ABI3BP: variants seen among roughly 807,000 people sequenced by gnomAD.
ABI3BP encodes ABI family member 3 binding protein, also known as target of Nesh-SH3.
In ABI3BP, 216 loss-of-function variants were observed where a neutral mutation model predicts 268.6. That is an observed-to-expected ratio of 0.80 (90% CI 0.72 to 0.90). The LOEUF (loss-of-function observed/expected upper bound fraction) is 0.90, where lower values mean the gene tolerates loss of function less well. Among genes scored for constraint, ABI3BP ranks in the 40% least tolerant of loss-of-function variants. The pLI, the probability that ABI3BP is intolerant of heterozygous loss-of-function variation, is 0.00. For synonymous variants in ABI3BP, 730 were observed against 730.0 expected (o/e 1.00, Z 0.00); for missense variants, 2,090 against 2,182.4 (o/e 0.96, Z 0.84).
chr3:100,839,546 C>T (rs2098660316), intron 24 of ABI3BP, 23 bp downstream of exon 24: 2 of 1,535,506 alleles, frequency 1.3e-6, no homozygotes, highest in Admixed American at 2.0e-5. Flanking sequence ...TGAAAGCAGC[C>T]GTGGTGGAGG....
chr3:100,860,808 G>C (rs985033589), intron 14 of ABI3BP, among the ~76,000 whole-genome samples: 1 of 152,130 alleles, frequency 6.6e-6, no homozygotes, highest in African/African-American at 2.4e-5. Context: ...AAAGATGAAA[G>C]GGATCTAAAA....
At chr3:100,757,695 G>C (rs2095697068) in intron 63 of ABI3BP, among the ~76,000 whole-genome samples, 1 of 152,130 alleles carries the variant, frequency 6.6e-6, no homozygotes, top group Non-Finnish European at 1.5e-5. Context: ...AGGATGTATA[G>C]GAATTCCAAA....
intron 27 of ABI3BP, 63 bp from the exon 28 acceptor site, chr3:100,835,723 G>GA (rs1327459454): frequency 4.7e-6 from 6 of 1,282,980 alleles, no homozygotes; most frequent in Non-Finnish European, 6.5e-6. Context: ...AAGTTATTTT[G>GA]AAAATGAATC....
chr3:100,926,262 T>TA, intron 2 of ABI3BP, 40 bp downstream of exon 2: 1 of 1,602,254 alleles, frequency 6.2e-7, no homozygotes, highest in Non-Finnish European at 8.5e-7. Flanking sequence ...CCCCACCTCT[T>TA]ACCTCCTTTC....
intron 1 of ABI3BP, among the ~76,000 whole-genome samples, chr3:100,946,805 A>G (rs1018271086): frequency 2.0e-5 from 3 of 151,670 alleles, no homozygotes; most frequent in Non-Finnish European, 4.4e-5. Context: ...AAAAAAAAAG[A>G]AAAGAAATGA....
chr3:100,822,160 C>T (rs1160909040), intron 38 of ABI3BP, among the ~76,000 whole-genome samples: 1 of 152,118 alleles, frequency 6.6e-6, no homozygotes, highest in Non-Finnish European at 1.5e-5. Context: ...ACTTTATTTA[C>T]AAAGGAAAGG....
In ABI3BP at chr3:100,843,558, A is replaced by G. The variant is rs943233647; in HGVS notation, c.1724-1519T>C. 15 of 979,566 alleles carry G rather than the reference A, an allele frequency of 1.5e-5. No individual in the cohort carries two copies. The African/African-American group carries it at 2.1e-4, about 14-fold the overall frequency. 60.7% of individuals were successfully genotyped at this position (979,566 alleles called of 1,614,324 possible). A position where few individuals can be genotyped will look rare whatever the true frequency, so the allele number is the denominator to read the frequency against. On this transcript the variant is annotated intron_variant, in intron 20 of 67. Coordinates refer to ENST00000471714, the MANE Select transcript of ABI3BP (RefSeq NM_001375547.2). ...GTGTGTGTGTGAGAGAGAGAGAGAGAGAGAGAGAGGGAAGGGGAGAAGAAA... is the reference window on the plus strand; with the variant it reads ...GTGTGTGTGTGAGAGAGAGAGAGAGGGAGAGAGAGGGAAGGGGAGAAGAAA...
intron 5 of ABI3BP, 64 bp from the exon 6 acceptor site, chr3:100,885,652 A>G (rs765661273): frequency 7.1e-5 from 70 of 990,048 alleles, no homozygotes; most frequent in Non-Finnish European, 1.0e-4. Context: ...AACTCTAGCT[A>G]ATCATTATGA....
chr3:100,915,567 T>C (rs1175587715), intron 2 of ABI3BP, among the ~76,000 whole-genome samples: 2 of 152,000 alleles, frequency 1.3e-5, no homozygotes, highest in Non-Finnish European at 1.5e-5. Context: ...CAGTTGAGAA[T>C]CAAACTAGGG....
chr3:100,821,907 G>C (rs1433007429), intron 38 of ABI3BP, among the ~76,000 whole-genome samples: 1 of 151,930 alleles, frequency 6.6e-6, no homozygotes, highest in Non-Finnish European at 1.5e-5. Context: ...AGCAAAGTAA[G>C]ACATCTTTAT....
chr3:100,990,669 G>A (rs921435027), intron 1 of ABI3BP, among the ~76,000 whole-genome samples: 6 of 151,192 alleles, frequency 4.0e-5, no homozygotes, highest in Non-Finnish European at 8.8e-5. Context: ...TACTGTTAAA[G>A]AAATTTACAA....
intron 14 of ABI3BP, among the ~76,000 whole-genome samples, chr3:100,856,431 T>A (rs2098940810): frequency 6.6e-6 from 1 of 152,214 alleles, no homozygotes; most frequent in Non-Finnish European, 1.5e-5. Context: ...AAACTGAAGC[T>A]GACCATGCTT....
intron 46 of ABI3BP, among the ~76,000 whole-genome samples, chr3:100,812,005 G>C (rs1049016698): frequency 3.9e-5 from 6 of 152,060 alleles, no homozygotes; most frequent in Admixed American, 6.6e-5. Context: ...GTGCTATGTG[G>C]GAAACATGCA....
At chr3:100,880,482 C>G (rs950714037) in intron 6 of ABI3BP, among the ~76,000 whole-genome samples, 9 of 152,138 alleles carry the variant, frequency 5.9e-5, no homozygotes, top group African/African-American at 2.2e-4. Context: ...TCCAGATATC[C>G]TGTCCATTAC....
At chr3:100,844,662 A>T (rs912883699) in intron 20 of ABI3BP, among the ~76,000 whole-genome samples, 4 of 152,190 alleles carry the variant, frequency 2.6e-5, no homozygotes, top group African/African-American at 9.6e-5. Context: ...CTAAAATCAA[A>T]GCAATGGTTT....
intron 2 of ABI3BP, chr3:100,911,517 T>C (rs948049240): frequency 1.4e-5 from 7 of 514,332 alleles, no homozygotes; most frequent in Middle Eastern, 1.1e-3. Context: ...ATATACTCCT[T>C]AATTCCTCTT....
chr3:100,943,423 T>C (rs2070479812), intron 1 of ABI3BP, among the ~76,000 whole-genome samples: 3 of 152,114 alleles, frequency 2.0e-5, no homozygotes, highest in African/African-American at 7.2e-5. Flanking sequence ...AAAATTTAGG[T>C]ACAATGAAAT....
chr3:100,830,700 CT>C (rs35263166), intron 31 of ABI3BP, 66 bp from the exon 32 acceptor site: 1 of 1,326,214 alleles, frequency 7.5e-7, no homozygotes, highest in South Asian at 1.4e-5. Context: ...GAACATTCAT[CT>C]TACCACCAAA....
chr3:100,913,177 C>T (rs2057391138), intron 2 of ABI3BP, among the ~76,000 whole-genome samples: 7 of 152,114 alleles, frequency 4.6e-5, no homozygotes, highest in Admixed American at 4.6e-4. Context: ...AAAGAACTGA[C>T]TAATAAAACC....
Sources: allele counts gnomAD v4.1 joint callset (sites outside exome capture counted in the v4.1 genomes callset), GRCh38; gene constraint gnomAD v4.1.1; transcripts MANE v1.5; gene names NCBI Gene and HGNC (gene_info 2026-07-23, HGNC 2026-07-21).